The following PPP2R2C variants were observed in gnomAD, a reference collection of about 807,000 sequenced individuals.
PPP2R2C encodes protein phosphatase 2 regulatory subunit Bgamma, also known as protein phosphatase 2, regulatory subunit B, gamma.
In PPP2R2C, 10 loss-of-function variants were observed where a neutral mutation model predicts 45.3. The observed-to-expected ratio is 0.22, with a 90% confidence interval of 0.14 to 0.37. The LOEUF is 0.37. PPP2R2C is among the 10% of genes least tolerant of loss of function. The probability of loss-of-function intolerance (pLI) is 1.00; values close to 1 mark genes in which losing one functional copy is unlikely to be tolerated. For missense variants in PPP2R2C, 308 were observed against 619.7 expected (o/e 0.50, Z 5.34); for synonymous variants, 257 against 245.4 (o/e 1.05, Z -0.44).
At chr4:6,327,763 T>C (rs1229014373) in intron 8 of PPP2R2C, among the ~76,000 whole-genome samples, 1 of 152,170 alleles carries the variant, frequency 6.6e-6, no homozygotes, top group Non-Finnish European at 1.5e-5. Flanking sequence ...CCTGGTTTTC[T>C]AAGCATCCTT....
At chr4:6,343,705 A>T (rs1004443203) in intron 6 of PPP2R2C, among the ~76,000 whole-genome samples, 2 of 151,116 alleles carry the variant, frequency 1.3e-5, no homozygotes, top group Non-Finnish European at 3.0e-5. Flanking sequence ...AATTCTGTCT[A>T]AAAAAAAAGA....
chr4:6,387,511 C>T (rs958944316), intron 1 of PPP2R2C, among the ~76,000 whole-genome samples: 8 of 152,090 alleles, frequency 5.3e-5, no homozygotes, highest in Admixed American at 3.3e-4. Flanking sequence ...TCGAAATATT[C>T]GTCAAGAATG....
Position 6,359,306 on chromosome 4 carries a change from G to A in PPP2R2C, c.626-11296C>T, listed in dbSNP as rs372012917. On this transcript the variant is annotated intron_variant, in intron 5 of 8. Coordinates refer to ENST00000382599, the MANE Select transcript of PPP2R2C (RefSeq NM_020416.4). ...TGGGAAGTGAACAATGAGAACACTC[G>A]GACACAGGGCGGGGAACATCACACA... Among the ~76,000 whole-genome samples the A allele has an allele frequency of 1.8e-3, 274 of 152,244 alleles. 1 individual carries two copies. Among genetic ancestry groups the A allele is most frequent in the African/African-American group, 5.9e-3 (244 of 41,536 alleles).
Position 6,549,540 on chromosome 4 carries a change from G to A in PPP2R2C, c.-59+14020C>T, listed in dbSNP as rs746760590. 2.1e-4 allele frequency among the ~76,000 whole-genome samples: 32 copies of A among 152,286 alleles called. No individual in the cohort carries two copies. The East Asian group carries it at 2.3e-3, about 11-fold the overall frequency. Reference sequence around the variant, plus strand: ...CCCTCACCTGTGCCTTCCTGGGCACGACCCTCCACTTCTCCACCTGCAGAG... The same window carrying A: ...CCCTCACCTGTGCCTTCCTGGGCACAACCCTCCACTTCTCCACCTGCAGAG... On this transcript the variant is annotated intron_variant, in intron 1 of 9. Coordinates refer to the PPP2R2C transcript ENST00000506140.
At chr4:6,543,123 T>G (rs998429214) in intron 1 of PPP2R2C, among the ~76,000 whole-genome samples, 18 of 152,184 alleles carry the variant, frequency 1.2e-4, no homozygotes, top group Admixed American at 9.8e-4. Flanking sequence ...GATCGCCTCC[T>G]GTGACTGGGC....
chr4:6,329,683 G>T lies in PPP2R2C; in HGVS notation c.961-330C>A, dbSNP rs1732252418. On this transcript the variant is annotated intron_variant, in intron 7 of 8. Transcript: ENST00000382599. The surrounding 1 kb of genome is among the most constrained non-coding windows in gnomAD (Gnocchi z 5.8). ...ATACAGCCCTGCTCATCTTATCGGG[G>T]GCCCACGACCAGGCACACGGCTGAC... 6.6e-6 allele frequency among the ~76,000 whole-genome samples: 1 copy of T among 150,834 alleles called. No individual in the cohort carries two copies. Among genetic ancestry groups the T allele is most frequent in the African/African-American group, 2.5e-5 (1 of 40,664 alleles).
rs1171649251 is a variant in PPP2R2C at position 6,329,681 on chromosome 4, G to T, written c.961-328C>A. On this transcript the variant is annotated intron_variant, in intron 7 of 8. Coordinates refer to ENST00000382599, the MANE Select transcript of PPP2R2C (RefSeq NM_020416.4). The surrounding 1 kb of genome is among the most constrained non-coding windows in gnomAD (Gnocchi z 5.8). ...CAATACAGCCCTGCTCATCTTATCG[G>T]GGGCCCACGACCAGGCACACGGCTG... is the stretch of plus-strand genomic sequence containing the variant. Among the ~76,000 whole-genome samples the T allele has an allele frequency of 6.6e-6, 1 of 151,638 alleles. No individual in the cohort carries two copies.
intron 2 of PPP2R2C, among the ~76,000 whole-genome samples, chr4:6,485,495 G>A (rs907714517): frequency 2.0e-5 from 3 of 151,776 alleles, no homozygotes; most frequent in Non-Finnish European, 4.4e-5. Flanking sequence ...CGTCATCTGG[G>A]CCTGGAGTTT....
chr4:6,542,695 T>A (rs1398740399), intron 1 of PPP2R2C, among the ~76,000 whole-genome samples: 1 of 6,358 alleles, frequency 1.6e-4, no homozygotes, highest in Non-Finnish European at 9.0e-4. Context: ...AGAGCAAGAC[T>A]CTGTCTCAAA....
chr4:6,397,521 G>C (rs907046052), intron 1 of PPP2R2C, among the ~76,000 whole-genome samples: 1 of 86,550 alleles, frequency 1.2e-5, no homozygotes, highest in Non-Finnish European at 2.8e-5. Flanking sequence ...AGTTGGAAAA[G>C]AGGCCTCATG....
intron 8 of PPP2R2C, 24 bp from the exon 9 acceptor site, chr4:6,323,617 A>G (rs1731704692): frequency 1.3e-6 from 2 of 1,521,390 alleles, no homozygotes; most frequent in African/African-American, 1.4e-5. Context: ...GAGAGGCATC[A>G]GGTGAGGAGG....
intron 1 of PPP2R2C, among the ~76,000 whole-genome samples, chr4:6,403,498 G>A (rs377754210): frequency 1.3e-5 from 2 of 152,186 alleles, no homozygotes; most frequent in Non-Finnish European, 2.9e-5. Context: ...CCACCCCCAC[G>A]GAGGCTTCCC....
At chr4:6,383,273 G>A in intron 1 of PPP2R2C, 1 of 1,241,996 alleles carries the variant, frequency 8.1e-7, no homozygotes, top group East Asian at 5.9e-5. Flanking sequence ...CTCCAGCAGG[G>A]CCCCACTGAC....
chr4:6,538,727 G>A (rs1724712405), intron 1 of PPP2R2C, among the ~76,000 whole-genome samples: 1 of 152,244 alleles, frequency 6.6e-6, no homozygotes, highest in South Asian at 2.1e-4. Flanking sequence ...AGAGCCGGCC[G>A]CCAATGCAGT....
chr4:6,559,439 G>A (rs1056946600), intron 1 of PPP2R2C, among the ~76,000 whole-genome samples: 2 of 150,116 alleles, frequency 1.3e-5, no homozygotes, highest in African/African-American at 5.0e-5. Flanking sequence ...ACAGAACAGA[G>A]GCAAAGAGAT....
intron 4 of PPP2R2C, among the ~76,000 whole-genome samples, chr4:6,375,455 C>T (rs1715223636): frequency 1.3e-5 from 2 of 152,184 alleles, no homozygotes; most frequent in South Asian, 4.1e-4. Flanking sequence ...TCTGCCTCTG[C>T]CTACTCACTC....
chr4:6,449,131 C>T (rs571004369), intron 1 of PPP2R2C, among the ~76,000 whole-genome samples: 4 of 152,302 alleles, frequency 2.6e-5, no homozygotes, highest in East Asian at 1.9e-4. Context: ...ACCAAGTCCA[C>T]GTAGAAGGCC....
At chr4:6,521,668 A>G (rs4075007) in intron 2 of PPP2R2C, among the ~76,000 whole-genome samples, 77,718 of 151,992 alleles carry the variant, frequency 0.51, 20,252 homozygotes, top group Admixed American at 0.58. Flanking sequence ...CGTAGGAGGC[A>G]CTTACACAGG....
intron 2 of PPP2R2C, among the ~76,000 whole-genome samples, chr4:6,516,891 T>C (rs1189462256): frequency 1.3e-5 from 2 of 152,132 alleles, no homozygotes; most frequent in East Asian, 1.9e-4. Context: ...TCCCTCCCAC[T>C]GCGAAATCAC....
Sources: gnomAD v4.1 joint callset for allele counts (sites outside exome capture counted in the v4.1 genomes callset) on GRCh38, gnomAD v4.1.1 for gene constraint, Gnocchi (gnomAD v3.1) non-coding constraint, MANE v1.5 for transcripts, NCBI Gene and HGNC (gene_info 2026-07-23, HGNC 2026-07-21) for gene names.